AGMO: variants seen among roughly 807,000 people sequenced by gnomAD.
The protein encoded by AGMO is glyceryl-ether monooxygenase.
A neutral mutation model predicts 60.2 loss-of-function variants in AGMO; 75 were observed. That is an observed-to-expected ratio of 1.25 (90% CI 1.03 to 1.51). The LOEUF (loss-of-function observed/expected upper bound fraction) is 1.51. Among genes scored for constraint, AGMO ranks in the 40% most tolerant of loss-of-function variants. The pLI is 0.00. For missense variants in AGMO, 763 were observed against 525.5 expected (o/e 1.45, Z -4.42); for synonymous variants, 261 against 177.1 (o/e 1.47, Z -3.76).
In AGMO at chr7:15,432,347, CATACATAT is replaced by C. The variant is rs748095313; in HGVS notation, c.410-1247_410-1240del. ...ATATATGTATATATATATATATATACATACATATATATATACACACACATATATATATA... is the reference window on the plus strand; with the variant it reads ...ATATATGTATATATATATATATATACATATATACACACACATATATATATA... On this transcript the variant is annotated intron_variant, in intron 3 of 12. Transcript: ENST00000342526. Among the ~76,000 whole-genome samples, 7 of 110,840 alleles carry C rather than the reference CATACATAT, an allele frequency of 6.3e-5. No individual in the cohort carries two copies. In the East Asian group the frequency reaches 9.1e-4, roughly 14 times the overall value. The allele number at this position is 110,840 out of a possible 152,430, so 72.7% of individuals were successfully genotyped here.
At chr7:15,475,143 A>C (rs1019266959) in intron 3 of AGMO, among the ~76,000 whole-genome samples, 20 of 152,284 alleles carry the variant, frequency 1.3e-4, no homozygotes, top group African/African-American at 4.8e-4. Context: ...GCAATTCCTC[A>C]AGGATCTAGA....
At chr7:15,559,548 A>C (rs1485777036) in intron 2 of AGMO, among the ~76,000 whole-genome samples, 4 of 152,104 alleles carry the variant, frequency 2.6e-5, no homozygotes, top group Non-Finnish European at 5.9e-5. Flanking sequence ...AAAGCATGAC[A>C]GGATAAACAT....
chr7:15,400,724 CAAACAAAT>C (rs1459480218), intron 5 of AGMO, among the ~76,000 whole-genome samples: 8 of 152,026 alleles, frequency 5.3e-5, no homozygotes, highest in Non-Finnish European at 1.2e-4. Flanking sequence ...CCAAAACAAA[CAAACAAAT>C]AAACAAAAGA....
chr7:15,445,919 T>C (rs6978232), intron 3 of AGMO, among the ~76,000 whole-genome samples: 121,889 of 152,098 alleles, frequency 0.8, 49,878 homozygotes, highest in African/African-American at 0.88. Flanking sequence ...TTAATCCTAT[T>C]CCATCAAATA....
the AGMO span, among the ~76,000 whole-genome samples, chr7:15,148,974 T>C: frequency 6.6e-6 from 1 of 152,138 alleles, no homozygotes; most frequent in Non-Finnish European, 1.5e-5. Context: ...CTCAGCTCGC[T>C]AACACCTGTT....
intron 10 of AGMO, among the ~76,000 whole-genome samples, chr7:15,374,202 A>T (rs941371573): frequency 6.6e-6 from 1 of 151,612 alleles, no homozygotes; most frequent in Non-Finnish European, 1.5e-5. Flanking sequence ...CTTGCTCTTT[A>T]AAATAATTGT....
At chr7:15,489,341 A>C (rs1450180964) in intron 3 of AGMO, among the ~76,000 whole-genome samples, 2 of 152,208 alleles carry the variant, frequency 1.3e-5, no homozygotes, top group Non-Finnish European at 1.5e-5. Context: ...AAATAGAGGA[A>C]TGTAAAATTA....
In AGMO at chr7:15,554,101, C is replaced by G. The variant is rs548808959; in HGVS notation, c.257+6040G>C. Among the ~76,000 whole-genome samples, 8 of 152,114 alleles carry G rather than the reference C, an allele frequency of 5.3e-5. No individual in the cohort carries two copies. In the South Asian group the frequency reaches 1.0e-3, roughly 20 times the overall value. ...ATACAGCTGGGAAATGATTATCAAGCTCTGGAAAGCCCTGGATTGCAGAAA... is the reference window on the plus strand; with the variant it reads ...ATACAGCTGGGAAATGATTATCAAGGTCTGGAAAGCCCTGGATTGCAGAAA... On this transcript the variant is annotated intron_variant, in intron 2 of 12. Coordinates refer to ENST00000342526, the MANE Select transcript of AGMO (RefSeq NM_001004320.2).
At chr7:15,532,710 G>A (rs959977769) in intron 3 of AGMO, among the ~76,000 whole-genome samples, 1 of 66,798 alleles carries the variant, frequency 1.5e-5, no homozygotes, top group Admixed American at 2.2e-4. Context: ...ATCTTCCTAG[G>A]CTGGGTGCGG....
intron 12 of AGMO, among the ~76,000 whole-genome samples, chr7:15,338,331 T>G (rs1781727872): frequency 6.6e-6 from 1 of 152,180 alleles, no homozygotes; most frequent in African/African-American, 2.4e-5. Flanking sequence ...AGCTGAACAT[T>G]TAATAGTTAT....
At chr7:15,358,022 C>G (rs1192854595) in intron 12 of AGMO, among the ~76,000 whole-genome samples, 1 of 152,142 alleles carries the variant, frequency 6.6e-6, no homozygotes, top group African/African-American at 2.4e-5. Context: ...ATGAAGTTTG[C>G]TAAGAACTGT....
Position 15,302,737 on chromosome 7 carries a change from T to C in AGMO, c.1263+62777A>G, listed in dbSNP as rs1040344126. 5.3e-5 allele frequency among the ~76,000 whole-genome samples: 8 copies of C among 152,180 alleles called. No homozygotes were observed. In the South Asian group the frequency reaches 6.2e-4, roughly 12 times the overall value. ...AGAGAAGCCTTTTTGTTTTGTTTTG[T>C]TCATTGCTGTACCTCCATCATATGG... On this transcript the variant is annotated intron_variant, in intron 12 of 12. Coordinates refer to ENST00000342526, the MANE Select transcript of AGMO (RefSeq NM_001004320.2).
At chr7:15,159,074 G>C in the AGMO span, among the ~76,000 whole-genome samples, 1 of 151,712 alleles carries the variant, frequency 6.6e-6, no homozygotes. Context: ...AGATAATCAA[G>C]AAACAAGATT....
At chr7:15,437,114 G>A (rs1199387287) in intron 3 of AGMO, among the ~76,000 whole-genome samples, 2 of 152,018 alleles carry the variant, frequency 1.3e-5, no homozygotes, top group African/African-American at 2.4e-5. Context: ...ACAGACTCAA[G>A]CTACCAAACT....
chr7:15,190,788 G>T, the AGMO span, among the ~76,000 whole-genome samples: 1 of 151,974 alleles, frequency 6.6e-6, no homozygotes, highest in Non-Finnish European at 1.5e-5. Context: ...ACTGATACAG[G>T]AAAGTCAGAG....
chr7:15,362,794 G>C (rs772163196), intron 12 of AGMO, among the ~76,000 whole-genome samples: 19 of 152,128 alleles, frequency 1.2e-4, no homozygotes, highest in Non-Finnish European at 2.6e-4. Context: ...CAGTTAAATT[G>C]ATAAGACATT....
the AGMO span, among the ~76,000 whole-genome samples, chr7:15,124,386 T>C: frequency 6.6e-6 from 1 of 151,978 alleles, no homozygotes; most frequent in South Asian, 2.1e-4. Context: ...GATTGCCAGT[T>C]ATCACGGCAA....
intron 12 of AGMO, among the ~76,000 whole-genome samples, chr7:15,214,059 T>A (rs2128494712): frequency 6.6e-6 from 1 of 152,124 alleles, no homozygotes; most frequent in Non-Finnish European, 1.5e-5. Flanking sequence ...ACATGATCCA[T>A]AATTTGTTGC....
chr7:15,237,571 T>C (rs1344413763), intron 12 of AGMO, among the ~76,000 whole-genome samples: 2 of 151,882 alleles, frequency 1.3e-5, no homozygotes, highest in South Asian at 2.1e-4. Flanking sequence ...TTTCAGAAGG[T>C]AGAATATGAG....
Sources: allele counts gnomAD v4.1 joint callset (sites outside exome capture counted in the v4.1 genomes callset), GRCh38; gene constraint gnomAD v4.1.1; transcripts MANE v1.5; gene names NCBI Gene and HGNC (gene_info 2026-07-23, HGNC 2026-07-21).